Variants in PACRG observed in about 807,000 individuals in gnomAD.
PACRG encodes the protein parkin coregulated gene protein.
In PACRG, 29 loss-of-function variants were observed where a neutral mutation model predicts 29.7. The observed-to-expected ratio is 0.98, with a 90% CI of 0.73 to 1.33. PACRG has a LOEUF of 1.33. PACRG is among the 40% of genes most tolerant of loss of function. The probability of loss-of-function intolerance (pLI) is 0.00; values close to 1 mark genes in which losing one functional copy is unlikely to be tolerated. For missense variants in PACRG, 279 were observed against 316.2 expected (o/e 0.88, Z 0.89); for synonymous variants, 116 against 118.7 (o/e 0.98, Z 0.15).
At chr6:162,904,324 G>C (rs757299952) in intron 2 of PACRG, among the ~76,000 whole-genome samples, 10 of 152,212 alleles carry the variant, frequency 6.6e-5, no homozygotes, top group Non-Finnish European at 1.5e-4. Flanking sequence ...CAGCCAGTGA[G>C]TCCCACAGGG....
chr6:163,086,101 A>G (rs529913202), intron 3 of PACRG, among the ~76,000 whole-genome samples: 1 of 152,370 alleles, frequency 6.6e-6, no homozygotes, highest in East Asian at 1.9e-4. Flanking sequence ...CGTTGAGCAT[A>G]GTTGGTAGAC....
At chr6:162,899,624 TC>T (rs1056377383) in intron 2 of PACRG, among the ~76,000 whole-genome samples, 1 of 152,050 alleles carries the variant, frequency 6.6e-6, no homozygotes, top group Non-Finnish European at 1.5e-5. Flanking sequence ...AAGGTCTTCC[TC>T]CCAGCCAGGG....
At chr6:162,886,122 G>A (rs1467797423) in intron 2 of PACRG, among the ~76,000 whole-genome samples, 10 of 151,976 alleles carry the variant, frequency 6.6e-5, no homozygotes, top group East Asian at 1.9e-4. Context: ...ATGGGGTTTC[G>A]CCATTTTGTG....
At chr6:163,027,188 G>A (rs1807212124) in intron 2 of PACRG, among the ~76,000 whole-genome samples, 1 of 152,202 alleles carries the variant, frequency 6.6e-6, no homozygotes, top group Non-Finnish European at 1.5e-5. Flanking sequence ...AATAGAGTGT[G>A]ACTCTGGTTG....
At chr6:163,003,903 G>A (rs1006354728) in intron 2 of PACRG, among the ~76,000 whole-genome samples, 2 of 152,150 alleles carry the variant, frequency 1.3e-5, no homozygotes, top group Admixed American at 6.6e-5. Flanking sequence ...GCTAAAAAGA[G>A]CAGAACAGAG....
chr6:163,153,836 T>C (rs1484835405), intron 4 of PACRG, among the ~76,000 whole-genome samples: 1 of 152,176 alleles, frequency 6.6e-6, no homozygotes, highest in Admixed American at 6.5e-5. Context: ...ACTATCGCTA[T>C]TGAGTGTAAA....
At chr6:163,169,956 G>C (rs989693943) in intron 4 of PACRG, among the ~76,000 whole-genome samples, 3 of 152,128 alleles carry the variant, frequency 2.0e-5, no homozygotes, top group Non-Finnish European at 4.4e-5. Context: ...GTCCTCACAG[G>C]GTCGTCCCTC....
At chr6:162,814,341 C>G in intron 2 of PACRG, 60 bp downstream of exon 2, 1 of 1,581,156 alleles carries the variant, frequency 6.3e-7, no homozygotes, top group South Asian at 1.1e-5. Flanking sequence ...TCTCCCAATG[C>G]CAAACACACT....
At chr6:163,000,698 C>A (rs73609745) in intron 2 of PACRG, among the ~76,000 whole-genome samples, 7,405 of 152,156 alleles carry the variant, frequency 0.049, 472 homozygotes, top group African/African-American at 0.15. Flanking sequence ...TGGAAATTCA[C>A]GTGATCGTCA....
chr6:162,752,618 A>G (rs1193120674), intron 1 of PACRG, among the ~76,000 whole-genome samples: 1 of 152,234 alleles, frequency 6.6e-6, no homozygotes, highest in Non-Finnish European at 1.5e-5. Flanking sequence ...AAAGGTTAAC[A>G]GAACATAGCA....
At chr6:162,922,144 C>T (rs948909504) in intron 2 of PACRG, among the ~76,000 whole-genome samples, 1 of 151,668 alleles carries the variant, frequency 6.6e-6, no homozygotes, top group South Asian at 2.1e-4. Context: ...CACCCGGGGT[C>T]TCTTAGGAAT....
intron 2 of PACRG, among the ~76,000 whole-genome samples, chr6:162,997,883 G>C (rs1171557283): frequency 6.6e-6 from 1 of 152,144 alleles, no homozygotes. Context: ...TATTGACTTG[G>C]AGGAGTTCTT....
intron 2 of PACRG, among the ~76,000 whole-genome samples, chr6:162,972,715 G>A (rs1346366852): frequency 1.3e-5 from 2 of 152,110 alleles, no homozygotes; most frequent in African/African-American, 2.4e-5. Flanking sequence ...TGTGAATCTG[G>A]ACATCTCAAG....
chr6:163,168,445 G>T (rs1367625024), intron 4 of PACRG, among the ~76,000 whole-genome samples: 2 of 152,128 alleles, frequency 1.3e-5, no homozygotes, highest in South Asian at 2.1e-4. Flanking sequence ...AGTGAACCAA[G>T]ATCACACCAC....
intron 4 of PACRG, among the ~76,000 whole-genome samples, chr6:163,112,799 A>G (rs1815784829): frequency 1.3e-5 from 2 of 152,220 alleles, no homozygotes; most frequent in Non-Finnish European, 2.9e-5. Context: ...CAGAGTTACT[A>G]TGTCATTAGA....
chr6:163,047,333 C>A (rs1164868242), intron 2 of PACRG, among the ~76,000 whole-genome samples: 1 of 152,140 alleles, frequency 6.6e-6, no homozygotes, highest in Non-Finnish European at 1.5e-5. Context: ...GAAGCTTTGA[C>A]AATGTATTTC....
At chr6:163,204,550 T>G (rs1780827304) in intron 4 of PACRG, among the ~76,000 whole-genome samples, 1 of 152,160 alleles carries the variant, frequency 6.6e-6, no homozygotes, top group Non-Finnish European at 1.5e-5. Context: ...AACCCGGGGC[T>G]GTAATGCATG....
chr6:163,072,134 AC>A (rs369091601), intron 3 of PACRG, among the ~76,000 whole-genome samples: 56 of 151,458 alleles, frequency 3.7e-4, no homozygotes, highest in African/African-American at 1.2e-3. Flanking sequence ...ACACATTAAA[AC>A]AAAAAGAAAG....
intron 2 of PACRG, among the ~76,000 whole-genome samples, chr6:162,823,353 A>T: frequency 6.6e-6 from 1 of 152,018 alleles, no homozygotes. Flanking sequence ...TTGTAATATT[A>T]CTTATTGTTA....
Sources: gnomAD v4.1 joint callset for allele counts (sites outside exome capture counted in the v4.1 genomes callset) on GRCh38, gnomAD v4.1.1 for gene constraint, MANE v1.5 for transcripts, NCBI Gene and HGNC (gene_info 2026-07-23, HGNC 2026-07-21) for gene names.